The following PTPRE variants were observed in gnomAD, a reference collection of about 807,000 sequenced individuals.
PTPRE encodes protein tyrosine phosphatase receptor type E, also known as receptor-type tyrosine-protein phosphatase epsilon.
PTPRE carries 51 observed loss-of-function variants against 102.0 expected under a neutral mutation model. The observed-to-expected ratio is 0.50, with a 90% confidence interval of 0.40 to 0.63. The LOEUF is 0.63. PTPRE is among the 30% of genes least tolerant of loss of function. The pLI, the probability that PTPRE is intolerant of heterozygous loss-of-function variation, is 0.00. For synonymous variants in PTPRE, 345 were observed against 348.2 expected, an observed-to-expected ratio of 0.99 and a Z score of 0.10; for missense variants, 752 against 915.1, an observed-to-expected ratio of 0.82 and a Z score of 2.30.
At chr10:128,005,785 C>T (rs952115242) in intron 2 of PTPRE, among the ~76,000 whole-genome samples, 1 of 152,138 alleles carries the variant, frequency 6.6e-6, no homozygotes, top group African/African-American at 2.4e-5. Flanking sequence ...GGTGTGTGGT[C>T]CCGCAGTTCC....
intron 1 of PTPRE, among the ~76,000 whole-genome samples, chr10:127,925,058 C>G (rs1280166079): frequency 6.6e-6 from 1 of 152,204 alleles, no homozygotes; most frequent in Non-Finnish European, 1.5e-5. Flanking sequence ...GCAATTTTGC[C>G]CCATCTTACC....
At position 127,924,529 on chromosome 10, in the gene PTPRE, A is replaced by G. The variant is rs80101477; in HGVS notation, c.-31+17220A>G. 3.4e-3 allele frequency among the ~76,000 whole-genome samples: 512 copies of G among 152,306 alleles called. 4 individuals are homozygous for G. Among genetic ancestry groups the G allele is most frequent in the Non-Finnish European group, 2.7e-3 (184 of 68,026 alleles). On this transcript the variant is annotated intron_variant, in intron 1 of 20. Coordinates refer to ENST00000254667, the MANE Select transcript of PTPRE (RefSeq NM_006504.6). ...CAGGCATGAGCCACTGCATCTGGCC[A>G]GGTGAGCTGTTTTAAGACCACAAGA...
chr10:127,920,906 C>A (rs1448178174), intron 1 of PTPRE, among the ~76,000 whole-genome samples: 1 of 152,290 alleles, frequency 6.6e-6, no homozygotes, highest in African/African-American at 2.4e-5. Context: ...TCTGTCTTCC[C>A]TGTGTAAGGA....
In PTPRE at chr10:128,007,750, G is replaced by C. The variant is rs184006010; in HGVS notation, c.-8+25454G>C. ...CTCAGTGTGCACAGCTGGAAGGCAG[G>C]CACCATGAGAGTCTTGTACTGTCTC... On this transcript the variant is annotated intron_variant, in intron 2 of 20. Transcript: ENST00000254667. Among the ~76,000 whole-genome samples the C allele has an allele frequency of 2.0e-5, 3 of 152,344 alleles. No individual in the cohort carries two copies. In the East Asian group the frequency reaches 5.8e-4, roughly 29 times the overall value.
chr10:127,955,252 T>C (rs936390264), intron 1 of PTPRE, among the ~76,000 whole-genome samples: 3 of 152,102 alleles, frequency 2.0e-5, no homozygotes, highest in African/African-American at 7.2e-5. Context: ...TAAAGAACCA[T>C]GACTATCATA....
chr10:128,017,932 A>G (rs10741140), intron 2 of PTPRE, among the ~76,000 whole-genome samples: 104,337 of 152,086 alleles, frequency 0.69, 36,077 homozygotes, highest in African/African-American at 0.75. Flanking sequence ...CCACTCGGGC[A>G]TCCTGCATGC....
Position 128,079,596 on chromosome 10 carries a change from C to T in PTPRE, c.1929C>T (p.Leu643=), listed in dbSNP as rs768320515. The stretch of plus-strand genomic sequence containing the variant: ...GGCGAACAGGTACATTCATAGCCCT[C>T]AGCAACATTTTGGAGCGAGTAAAAG... ...GAGRTGTFIA[L]SNILERVKAE... The change falls in exon 20 of 21, where the codon CTC becomes CTT. Residue 643 remains leucine (L), a synonymous_variant. Transcript: ENST00000254667. 2 of 1,614,052 alleles carry T rather than the reference C, an allele frequency of 1.2e-6. No individual in the cohort carries two copies. Among genetic ancestry groups the T allele is most frequent in the Non-Finnish European group, 8.5e-7 (1 of 1,180,034 alleles).
At chr10:127,909,969 A>C (rs1845757048) in intron 1 of PTPRE, among the ~76,000 whole-genome samples, 1 of 152,142 alleles carries the variant, frequency 6.6e-6, no homozygotes, top group Non-Finnish European at 1.5e-5. Context: ...GAGACACCCC[A>C]AGTGACCTCC....
intron 2 of PTPRE, among the ~76,000 whole-genome samples, chr10:127,983,731 C>T (rs1408440763): frequency 6.6e-6 from 1 of 152,184 alleles, no homozygotes; most frequent in African/African-American, 2.4e-5. Context: ...CCCCTTGTCT[C>T]TCCACTCAGT....
intron 3 of PTPRE, among the ~76,000 whole-genome samples, chr10:128,041,646 CAAAAAAAAA>C (rs59411622): frequency 1.4e-4 from 11 of 77,358 alleles, no homozygotes; most frequent in East Asian, 1.2e-3. Flanking sequence ...GACTACGTCT[CAAAAAAAAA>C]AAAAAAAAAA....
At chr10:127,910,087 G>T (rs1172971798) in intron 1 of PTPRE, among the ~76,000 whole-genome samples, 2 of 152,176 alleles carry the variant, frequency 1.3e-5, no homozygotes, top group Non-Finnish European at 2.9e-5. Flanking sequence ...CCTCACAGAA[G>T]TTCTGTTGCC....
intron 1 of PTPRE, among the ~76,000 whole-genome samples, chr10:127,914,396 G>GT (rs1181835498): frequency 6.6e-6 from 1 of 152,182 alleles, no homozygotes; most frequent in African/African-American, 2.4e-5. Context: ...CCGGTGGCCT[G>GT]TTTTTCTGAC....
chr10:128,051,978 T>C (rs1302257334), intron 6 of PTPRE, among the ~76,000 whole-genome samples: 2 of 152,222 alleles, frequency 1.3e-5, no homozygotes, highest in Non-Finnish European at 1.5e-5. Flanking sequence ...TCCTCCCACC[T>C]CAGCCTCCCA....
chr10:127,946,778 A>G (rs1011679066), intron 1 of PTPRE, among the ~76,000 whole-genome samples: 3 of 152,234 alleles, frequency 2.0e-5, no homozygotes, highest in Non-Finnish European at 4.4e-5. Flanking sequence ...TCGTGTCTGT[A>G]ATCCCAGCAC....
intron 1 of PTPRE, among the ~76,000 whole-genome samples, chr10:127,967,377 T>C (rs188460037): frequency 2.1e-4 from 32 of 152,248 alleles, no homozygotes; most frequent in African/African-American, 6.3e-4. Flanking sequence ...TGGGAGGTAA[T>C]TGAATCATGG....
intron 12 of PTPRE, 32 bp from the exon 13 acceptor site, chr10:128,069,658 ACT>A: frequency 6.2e-7 from 1 of 1,612,108 alleles, no homozygotes. Flanking sequence ...GAGGAGTGTG[ACT>A]CACGACGCAG....
chr10:128,081,008 G>T (rs1196648537), intron 20 of PTPRE, among the ~76,000 whole-genome samples: 1 of 152,186 alleles, frequency 6.6e-6, no homozygotes, highest in Admixed American at 6.5e-5. Context: ...GGTGCCTCCA[G>T]TTAGGACGGT....
intron 3 of PTPRE, 95 bp from the exon 4 acceptor site, chr10:128,047,295 G>A (rs1167746022): frequency 1.4e-6 from 2 of 1,477,520 alleles, no homozygotes; most frequent in Non-Finnish European, 1.8e-6. Flanking sequence ...ATAGTTTGGG[G>A]TTCTGGTGTC....
Position 128,049,315 on chromosome 10 carries a change from C to T in PTPRE, c.284-215C>T, listed in dbSNP as rs571476475. 4.6e-5 allele frequency among the ~76,000 whole-genome samples: 7 copies of T among 152,240 alleles called. No homozygotes were observed. The South Asian group carries it at 6.2e-4, about 14-fold the overall frequency. ...GAGCAGGTGACACTGGGCAGAGGGA[C>T]GCCCGTCACTTGTAAATGATGTGGA... On this transcript the variant is annotated intron_variant, in intron 5 of 20. Transcript: ENST00000254667.
Sources: allele counts gnomAD v4.1 joint callset (sites outside exome capture counted in the v4.1 genomes callset), GRCh38; gene constraint gnomAD v4.1.1; transcripts MANE v1.5; gene names NCBI Gene and HGNC (gene_info 2026-07-23, HGNC 2026-07-21).